Variants in CDK14 observed in about 807,000 individuals in gnomAD.
The protein encoded by CDK14 is cyclin-dependent kinase 14.
In CDK14, 34 loss-of-function variants were observed where a neutral mutation model predicts 60.7. That is an observed-to-expected ratio of 0.56 (90% confidence interval 0.43 to 0.75). The LOEUF is 0.75. Among genes scored for constraint, CDK14 ranks in the 30% least tolerant of loss-of-function variants. The pLI, the probability that CDK14 is intolerant of heterozygous loss-of-function variation, is 0.00. For synonymous variants in CDK14, 197 were observed against 203.7 expected, an observed-to-expected ratio of 0.97 and a Z score of 0.28; for missense variants, 482 against 564.1, an observed-to-expected ratio of 0.85 and a Z score of 1.47.
intron 2 of CDK14, among the ~76,000 whole-genome samples, chr7:90,650,466 G>T (rs1193369620): frequency 6.6e-6 from 1 of 152,140 alleles, no homozygotes; most frequent in Non-Finnish European, 1.5e-5. Flanking sequence ...AGTTTAATTA[G>T]ATCCCATTTG....
chr7:90,712,591 A>G (rs1802106218), intron 2 of CDK14, among the ~76,000 whole-genome samples: 1 of 152,112 alleles, frequency 6.6e-6, no homozygotes, highest in Admixed American at 6.6e-5. Flanking sequence ...TAGATATACT[A>G]AAATAGCCTA....
chr7:90,605,944 T>C (rs1357874017), intron 2 of CDK14, among the ~76,000 whole-genome samples: 5 of 152,212 alleles, frequency 3.3e-5, no homozygotes, highest in African/African-American at 4.8e-5. Flanking sequence ...TAAAGATGTG[T>C]CAAACCTGTA....
chr7:90,838,328 C>T (rs899669397), intron 5 of CDK14, among the ~76,000 whole-genome samples: 4 of 152,170 alleles, frequency 2.6e-5, no homozygotes, highest in African/African-American at 2.4e-5. Context: ...TGTATGTCAC[C>T]TCAGGACCCT....
chr7:90,864,035 T>C (rs1791095739), intron 6 of CDK14, among the ~76,000 whole-genome samples: 1 of 152,110 alleles, frequency 6.6e-6, no homozygotes, highest in African/African-American at 2.4e-5. Flanking sequence ...GACATTTATT[T>C]AGAATAGTTG....
intron 2 of CDK14, among the ~76,000 whole-genome samples, chr7:90,684,237 C>T (rs1269185080): frequency 6.6e-6 from 1 of 152,158 alleles, no homozygotes; most frequent in East Asian, 1.9e-4. Context: ...CAAGAATGTT[C>T]TCCAATCAAG....
At chr7:91,173,888 C>T (rs1462870630) in intron 14 of CDK14, among the ~76,000 whole-genome samples, 2 of 152,328 alleles carry the variant, frequency 1.3e-5, no homozygotes, top group East Asian at 3.9e-4. Context: ...GGAGGGGCAC[C>T]CGCCATTGCA....
intron 14 of CDK14, among the ~76,000 whole-genome samples, chr7:91,127,132 T>C (rs1305232538): frequency 1.3e-5 from 2 of 152,096 alleles, no homozygotes; most frequent in African/African-American, 4.8e-5. Context: ...GGGAAAATGA[T>C]TGTGAAGTGG....
At chr7:90,642,386 AT>A (rs1003898371) in intron 2 of CDK14, among the ~76,000 whole-genome samples, 8 of 152,122 alleles carry the variant, frequency 5.3e-5, no homozygotes, top group Non-Finnish European at 5.9e-5. Flanking sequence ...TACTTTGCTC[AT>A]TTTCCCCCTA....
chr7:90,965,154 C>A (rs1206057471), intron 9 of CDK14, among the ~76,000 whole-genome samples: 1 of 152,110 alleles, frequency 6.6e-6, no homozygotes, highest in African/African-American at 2.4e-5. Flanking sequence ...ATTTGCTCCC[C>A]ACTCATCCCC....
chr7:90,859,940 G>C (rs996523752), intron 5 of CDK14, among the ~76,000 whole-genome samples: 1 of 151,224 alleles, frequency 6.6e-6, no homozygotes, highest in African/African-American at 2.4e-5. Context: ...ATGTTTTTTT[G>C]TTTTTTTTCT....
intron 12 of CDK14, among the ~76,000 whole-genome samples, chr7:91,082,357 C>T (rs980764610): frequency 2.6e-5 from 4 of 152,108 alleles, no homozygotes; most frequent in Non-Finnish European, 5.9e-5. Context: ...TGGAAAAGAC[C>T]GCTTGTGGCT....
At chr7:90,932,092 C>T (rs944572766) in intron 8 of CDK14, among the ~76,000 whole-genome samples, 1 of 152,164 alleles carries the variant, frequency 6.6e-6, no homozygotes, top group Admixed American at 6.5e-5. Flanking sequence ...TCCCTCAATT[C>T]GTGGGATGGC....
intron 2 of CDK14, among the ~76,000 whole-genome samples, chr7:90,661,945 T>G (rs1161309042): frequency 6.6e-6 from 1 of 152,124 alleles, no homozygotes; most frequent in African/African-American, 2.4e-5. Context: ...TACAAAAGGA[T>G]TAAATATGCT....
intron 9 of CDK14, among the ~76,000 whole-genome samples, chr7:90,967,326 A>G (rs1250908630): frequency 6.6e-6 from 1 of 152,136 alleles, no homozygotes; most frequent in East Asian, 1.9e-4. Flanking sequence ...AGAAAGGGAG[A>G]TCTATGCACG....
At chr7:91,162,327 C>A (rs1801192488) in intron 14 of CDK14, among the ~76,000 whole-genome samples, 1 of 152,176 alleles carries the variant, frequency 6.6e-6, no homozygotes, top group Admixed American at 6.6e-5. Flanking sequence ...GTTTAAATTT[C>A]TTTCACTCTC....
intron 2 of CDK14, among the ~76,000 whole-genome samples, chr7:90,656,740 C>T (rs1051406337): frequency 1.3e-5 from 2 of 152,166 alleles, no homozygotes; most frequent in African/African-American, 2.4e-5. Context: ...TTAATGGAAG[C>T]ATTCCAGTCT....
At chr7:90,746,141 T>G (rs1440136481) in intron 3 of CDK14, among the ~76,000 whole-genome samples, 1 of 152,220 alleles carries the variant, frequency 6.6e-6, no homozygotes, top group Non-Finnish European at 1.5e-5. Flanking sequence ...CCCTACATGG[T>G]CAGGCTTTTC....
chr7:90,691,230 G>A (rs968489528), intron 2 of CDK14, among the ~76,000 whole-genome samples: 3 of 151,924 alleles, frequency 2.0e-5, no homozygotes, highest in Admixed American at 6.6e-5. Flanking sequence ...CTGCCCTCCC[G>A]GAACTTAGCC....
intron 2 of CDK14, among the ~76,000 whole-genome samples, chr7:90,632,790 T>A (rs1235801967): frequency 1.3e-5 from 2 of 152,124 alleles, no homozygotes; most frequent in African/African-American, 4.8e-5. Context: ...AGAAACATTG[T>A]GAAAATTTGT....
Sources: gnomAD v4.1 joint callset for allele counts (sites outside exome capture counted in the v4.1 genomes callset) on GRCh38, gnomAD v4.1.1 for gene constraint, MANE v1.5 for transcripts, NCBI Gene and HGNC (gene_info 2026-07-23, HGNC 2026-07-21) for gene names.